IL1RAPL2: variants seen among roughly 807,000 people sequenced by gnomAD.
IL1RAPL2 encodes interleukin 1 receptor accessory protein like 2.
IL1RAPL2 carries 3 observed loss-of-function variants against 44.1 expected under a neutral mutation model. The observed-to-expected ratio is 0.07, with a 90% CI of 0.03 to 0.18. The LOEUF (loss-of-function observed/expected upper bound fraction) is 0.18, where lower values mean the gene tolerates loss of function less well. IL1RAPL2 is among the 10% of genes least tolerant of loss of function. The pLI is 1.00. For missense variants in IL1RAPL2, 391 were observed against 496.4 expected, an observed-to-expected ratio of 0.79 and a Z score of 2.02; for synonymous variants, 181 against 178.8, an observed-to-expected ratio of 1.01 and a Z score of -0.10.
chrX:105,150,160 T>C (rs933698131), intron 2 of IL1RAPL2, among the ~76,000 whole-genome samples: 6 of 111,546 alleles, frequency 5.4e-5, no homozygotes, highest in Non-Finnish European at 7.5e-5. Context: ...CACTAGTTAA[T>C]GAAGAACTAG....
At chrX:105,279,766 C>A (rs1021450783) in intron 5 of IL1RAPL2, among the ~76,000 whole-genome samples, 1 of 112,300 alleles carries the variant, frequency 8.9e-6, no homozygotes, top group Non-Finnish European at 1.9e-5. Context: ...GCGTGAGCCA[C>A]CACGCCTGGC....
At chrX:105,406,573 G>C (rs112070266) in intron 5 of IL1RAPL2, 1 of 1,191,598 alleles carries the variant, frequency 8.4e-7, no homozygotes, top group African/African-American at 1.8e-5. Flanking sequence ...GATCTTTCTC[G>C]TTTGGACCTT....
chrX:105,489,309 A>G (rs773422422), intron 6 of IL1RAPL2, among the ~76,000 whole-genome samples: 2 of 91,486 alleles, frequency 2.2e-5, no homozygotes, highest in Non-Finnish European at 3.8e-5. Context: ...TTTTCTCAGC[A>G]GTTGAAAAAA....
At chrX:104,943,383 G>C (rs1344653264) in intron 2 of IL1RAPL2, among the ~76,000 whole-genome samples, 1 of 111,769 alleles carries the variant, frequency 8.9e-6, no homozygotes, top group African/African-American at 3.3e-5. Context: ...ATGTCTAATA[G>C]ATATCTCAAC....
chrX:105,519,146 C>A (rs781079448), intron 6 of IL1RAPL2, among the ~76,000 whole-genome samples: 1 of 111,940 alleles, frequency 8.9e-6, no homozygotes, highest in East Asian at 2.8e-4. Context: ...ACCATATAAC[C>A]TTTTCTCAAA....
At position 104,824,797 on chromosome X, in the gene IL1RAPL2, C is replaced by T. The variant is rs138650187; in HGVS notation, c.82+165802C>T. Among the ~76,000 whole-genome samples, 628 of 111,276 alleles carry T rather than the reference C, an allele frequency of 5.6e-3. 3 individuals carry two copies. Among genetic ancestry groups the T allele is most frequent in the African/African-American group, 0.02 (598 of 30,607 alleles). ...TCTCTTTTCTTCTTTATTAGTCTGGCTAGTGGTCTATTTTGTTAATATTTT... is the reference window on the plus strand; with the variant it reads ...TCTCTTTTCTTCTTTATTAGTCTGGTTAGTGGTCTATTTTGTTAATATTTT... On this transcript the variant is annotated intron_variant, in intron 2 of 10. Coordinates refer to ENST00000372582, the MANE Select transcript of IL1RAPL2 (RefSeq NM_017416.2).
At chrX:105,746,874 A>G (rs746541878) in intron 8 of IL1RAPL2, among the ~76,000 whole-genome samples, 10 of 112,012 alleles carry the variant, frequency 8.9e-5, no homozygotes, top group Admixed American at 2.9e-4. Flanking sequence ...AATTTATAGC[A>G]TAAAGTGAAC....
chrX:105,275,705 C>T (rs1472707707), intron 5 of IL1RAPL2, among the ~76,000 whole-genome samples: 2 of 111,824 alleles, frequency 1.8e-5, no homozygotes, highest in African/African-American at 6.5e-5. Flanking sequence ...CATTCTGTTA[C>T]AAGAACTTTA....
intron 2 of IL1RAPL2, among the ~76,000 whole-genome samples, chrX:104,893,588 T>C (rs1416909431): frequency 9.0e-6 from 1 of 111,613 alleles, no homozygotes; most frequent in Non-Finnish European, 1.9e-5. Flanking sequence ...AAGTCTGTTT[T>C]ATCAGAGACT....
chrX:105,089,481 G>A (rs2032516189), intron 2 of IL1RAPL2, among the ~76,000 whole-genome samples: 1 of 110,226 alleles, frequency 9.1e-6, no homozygotes, highest in Admixed American at 9.7e-5. Context: ...TGTAGCCCAG[G>A]GTCTTCTACG....
At chrX:105,219,021 T>A (rs1297943507) in intron 3 of IL1RAPL2, 2 of 1,211,401 alleles carry the variant, frequency 1.7e-6, no homozygotes, top group East Asian at 5.9e-5. Context: ...TATCCCTCCG[T>A]GAAAAATTCA....
chrX:104,893,304 G>T (rs898856955), intron 2 of IL1RAPL2, among the ~76,000 whole-genome samples: 1 of 111,760 alleles, frequency 8.9e-6, no homozygotes, highest in African/African-American at 3.3e-5. Flanking sequence ...ATGTCTATTA[G>T]GTCCACTTGG....
intron 2 of IL1RAPL2, among the ~76,000 whole-genome samples, chrX:104,941,450 T>C (rs775477602): frequency 1.2e-4 from 14 of 112,060 alleles, no homozygotes; most frequent in South Asian, 7.5e-4. Flanking sequence ...TCTCTGATGG[T>C]CAGTGATGAG....
At chrX:104,680,379 A>G (rs1930869981) in intron 2 of IL1RAPL2, among the ~76,000 whole-genome samples, 1 of 111,137 alleles carries the variant, frequency 9.0e-6, no homozygotes, top group Non-Finnish European at 1.9e-5. Flanking sequence ...GAGTGTATGC[A>G]TGTATCGATA....
At chrX:104,582,719 T>C (rs991652779) in intron 1 of IL1RAPL2, among the ~76,000 whole-genome samples, 4 of 95,397 alleles carry the variant, frequency 4.2e-5, no homozygotes, top group Non-Finnish European at 6.2e-5. Context: ...ATTTCTTTCT[T>C]TCTCTCTCTC....
chrX:105,216,580 T>C (rs1248764714), intron 3 of IL1RAPL2, among the ~76,000 whole-genome samples: 1 of 108,506 alleles, frequency 9.2e-6, no homozygotes, highest in Non-Finnish European at 1.9e-5. Context: ...CTTTCTTCAC[T>C]GAATTAGAAA....
intron 2 of IL1RAPL2, among the ~76,000 whole-genome samples, chrX:105,142,889 G>C (rs957637140): frequency 1.8e-5 from 2 of 109,470 alleles, no homozygotes; most frequent in African/African-American, 6.7e-5. Context: ...TTGGCTTTTT[G>C]TCCTTGCGAT....
chrX:105,733,510 G>A (rs909655474), intron 7 of IL1RAPL2, among the ~76,000 whole-genome samples: 6 of 110,402 alleles, frequency 5.4e-5, no homozygotes, highest in South Asian at 3.8e-4. Context: ...TACTTCTTTC[G>A]TAATTGTTCC....
intron 6 of IL1RAPL2, among the ~76,000 whole-genome samples, chrX:105,505,060 G>C (rs1484395326): frequency 9.0e-6 from 1 of 111,245 alleles, no homozygotes; most frequent in Admixed American, 9.6e-5. Flanking sequence ...TTCTTGTTCT[G>C]TCTAGAGCCA....
Sources: gnomAD v4.1 joint callset for allele counts (sites outside exome capture counted in the v4.1 genomes callset) on GRCh38, gnomAD v4.1.1 for gene constraint, MANE v1.5 for transcripts, NCBI Gene and HGNC (gene_info 2026-07-23, HGNC 2026-07-21) for gene names.